PLCH1: variants seen among roughly 807,000 people sequenced by gnomAD.
PLCH1 encodes 1-phosphatidylinositol 4,5-bisphosphate phosphodiesterase eta-1.
A neutral mutation model predicts 126.7 loss-of-function variants in PLCH1; 60 were observed. The observed-to-expected ratio is 0.47, with a 90% CI of 0.38 to 0.59. PLCH1 has a LOEUF of 0.59. PLCH1 is among the 20% of genes least tolerant of loss of function. The pLI, the probability that PLCH1 is intolerant of heterozygous loss-of-function variation, is 0.00. For missense variants in PLCH1, 1,723 were observed against 2,040.0 expected, an observed-to-expected ratio of 0.84 and a Z score of 2.99; for synonymous variants, 719 against 734.9, an observed-to-expected ratio of 0.98 and a Z score of 0.35.
intron 2 of PLCH1, among the ~76,000 whole-genome samples, chr3:155,627,300 G>A (rs1261570188): frequency 6.6e-6 from 1 of 152,114 alleles, no homozygotes; most frequent in African/African-American, 2.4e-5. Flanking sequence ...CAGATACATA[G>A]CTGTTCACTG....
At chr3:155,542,775 C>T (rs1340158080) in intron 10 of PLCH1, among the ~76,000 whole-genome samples, 1 of 152,216 alleles carries the variant, frequency 6.6e-6, no homozygotes, top group Non-Finnish European at 1.5e-5. Context: ...CCCAGGCAAA[C>T]AGGGTCTGGA....
intron 1 of PLCH1, among the ~76,000 whole-genome samples, chr3:155,717,897 T>G (rs1361251703): frequency 6.6e-6 from 1 of 152,220 alleles, no homozygotes; most frequent in Non-Finnish European, 1.5e-5. Flanking sequence ...AAAAAGTGTT[T>G]TCTTTCTCTA....
chr3:155,636,649 G>A (rs1374818031), intron 2 of PLCH1, among the ~76,000 whole-genome samples: 1 of 151,908 alleles, frequency 6.6e-6, no homozygotes, highest in Admixed American at 6.6e-5. Context: ...TCAGGAGGCT[G>A]AGGCAGGAGA....
At chr3:155,704,364 C>A (rs1746499778) in intron 1 of PLCH1, 100 bp from the exon 2 acceptor site, 3 of 397,736 alleles carry the variant, frequency 7.5e-6, no homozygotes. Context: ...TACGGGGCAA[C>A]ATATACGGCA....
intron 2 of PLCH1, among the ~76,000 whole-genome samples, chr3:155,668,573 G>T (rs185775438): frequency 1.7e-4 from 26 of 152,258 alleles, no homozygotes; most frequent in Admixed American, 1.7e-3. Context: ...ATAGGAGAGG[G>T]TGAGGGTTCA....
chr3:155,649,977 CA>C (rs367577591), intron 2 of PLCH1, among the ~76,000 whole-genome samples: 10 of 146,324 alleles, frequency 6.8e-5, no homozygotes, highest in South Asian at 2.2e-4. Flanking sequence ...GACTCCTTCT[CA>C]AAAAAAAAAG....
At chr3:155,514,591 A>T (rs1476550821) in intron 12 of PLCH1, 132 bp downstream of exon 12, 2 of 573,034 alleles carry the variant, frequency 3.5e-6, no homozygotes, top group Non-Finnish European at 5.6e-6. Context: ...GCAATAAGAG[A>T]TTTTCATTTC....
At chr3:155,700,763 A>G (rs1030423548) in intron 2 of PLCH1, among the ~76,000 whole-genome samples, 1 of 152,240 alleles carries the variant, frequency 6.6e-6, no homozygotes, top group Non-Finnish European at 1.5e-5. Flanking sequence ...GGTCAGAAAA[A>G]AAAATACTGC....
chr3:155,737,384 T>C (rs1749279437), intron 1 of PLCH1, among the ~76,000 whole-genome samples: 1 of 151,722 alleles, frequency 6.6e-6, no homozygotes, highest in Non-Finnish European at 1.5e-5. Flanking sequence ...CAGGCTGGAG[T>C]GCAGTGGCAG....
chr3:155,516,756 T>TA lies in PLCH1; in HGVS notation c.1471-1873dup, dbSNP rs541380543. ...TTTGGGAACAAAACTCATTTTGTAT[T>TA]AAAAAAAAAACCATGTATTGTGTTT... is the stretch of plus-strand genomic sequence containing the variant. On this transcript the variant is annotated intron_variant, in intron 11 of 22. Coordinates refer to ENST00000460012, the MANE Select transcript of PLCH1 (RefSeq NM_014996.4). Among the ~76,000 whole-genome samples the TA allele has an allele frequency of 1.6e-3, 237 of 148,030 alleles. 1 individual carries two copies. The highest frequency in any genetic ancestry group is 9.0e-3 in the South Asian group (42 of 4,646).
chr3:155,518,676 C>G (rs1720672626), intron 11 of PLCH1, among the ~76,000 whole-genome samples: 1 of 152,144 alleles, frequency 6.6e-6, no homozygotes, highest in Non-Finnish European at 1.5e-5. Flanking sequence ...ACGTCTCTAA[C>G]CCCCAACGCA....
At chr3:155,675,554 G>T (rs1038690927) in intron 2 of PLCH1, among the ~76,000 whole-genome samples, 4 of 152,010 alleles carry the variant, frequency 2.6e-5, no homozygotes, top group African/African-American at 9.7e-5. Flanking sequence ...ATACAAATTG[G>T]GAATCATTCT....
chr3:155,647,435 T>G (rs1200080546), intron 2 of PLCH1, among the ~76,000 whole-genome samples: 1 of 151,642 alleles, frequency 6.6e-6, no homozygotes, highest in Non-Finnish European at 1.5e-5. Flanking sequence ...CTCAACCTCT[T>G]TCTCCTAAAC....
chr3:155,546,956 T>G lies in PLCH1; in HGVS notation c.1362+2831A>C, dbSNP rs980428240. Among the ~76,000 whole-genome samples the G allele has an allele frequency of 1.6e-4, 23 of 140,848 alleles. No individual in the cohort carries two copies. The East Asian group carries it at 1.8e-3, about 11-fold the overall frequency. 92.4% of individuals were successfully genotyped at this position (140,848 alleles called of 152,430 possible). A position where few individuals can be genotyped will look rare whatever the true frequency, so the allele number is the denominator to read the frequency against. ...AAACCCTAGAAGAAAACCTAGGCAT[T>G]ACCATTCAGGACATAGGCATGGGCA... On this transcript the variant is annotated intron_variant, in intron 10 of 22. Coordinates refer to ENST00000460012, the MANE Select transcript of PLCH1 (RefSeq NM_014996.4).
Position 155,596,128 on chromosome 3 carries a change from T to C in PLCH1, c.226+104A>G, listed in dbSNP as rs1035782196. ...CCAAAATCAACTATCTCCAAACTTA[T>C]AAAAGTATAAAACTTCCACAGATCT... is the stretch of plus-strand genomic sequence containing the variant. On this transcript the variant is annotated intron_variant, in intron 3 of 22. Transcript: ENST00000460012. The C allele has an allele frequency of 1.4e-5, 11 of 814,694 alleles. No homozygotes were observed. In the African/African-American group the frequency reaches 1.7e-4, roughly 13 times the overall value. 50.5% of individuals were successfully genotyped at this position (814,694 alleles called of 1,614,324 possible).
At chr3:155,700,965 G>T (rs1746229763) in intron 2 of PLCH1, among the ~76,000 whole-genome samples, 1 of 152,160 alleles carries the variant, frequency 6.6e-6, no homozygotes, top group African/African-American at 2.4e-5. Context: ...TAGCTTCTCT[G>T]ATAGGTGCAA....
chr3:155,557,004 GA>G (rs1367435928), intron 8 of PLCH1, among the ~76,000 whole-genome samples: 2 of 152,048 alleles, frequency 1.3e-5, no homozygotes, highest in Admixed American at 1.3e-4. Flanking sequence ...AATAAAAGAA[GA>G]AAAAACATTC....
At chr3:155,629,493 T>A (rs1228560459) in intron 2 of PLCH1, among the ~76,000 whole-genome samples, 1 of 152,202 alleles carries the variant, frequency 6.6e-6, no homozygotes, top group Admixed American at 6.6e-5. Flanking sequence ...AACCTGCTTT[T>A]CTTCAGCCTC....
At chr3:155,542,060 C>A (rs181743003) in intron 10 of PLCH1, among the ~76,000 whole-genome samples, 2 of 152,120 alleles carry the variant, frequency 1.3e-5, no homozygotes, top group Non-Finnish European at 2.9e-5. Context: ...GTGCACCATG[C>A]GCGAGCCGAA....
Sources: gnomAD v4.1 joint callset for allele counts (sites outside exome capture counted in the v4.1 genomes callset) on GRCh38, gnomAD v4.1.1 for gene constraint, MANE v1.5 for transcripts, NCBI Gene and HGNC (gene_info 2026-07-23, HGNC 2026-07-21) for gene names.